SMIM31: variants seen among roughly 807,000 people sequenced by gnomAD.
The protein encoded by SMIM31 is human epithelial cell program regulator.
intron 2 of SMIM31, among the ~76,000 whole-genome samples, chr4:164,788,472 A>ATTTTTCTTTTTTT (rs1733055788): frequency 1.7e-5 from 1 of 60,506 alleles, no homozygotes; most frequent in South Asian, 4.7e-4. Flanking sequence ...CTTTCTTCTA[A>ATTTTTCTTTTTTT]TTTTTCTTTT....
intron 2 of SMIM31, among the ~76,000 whole-genome samples, chr4:164,788,439 G>A (rs1387832295): frequency 2.8e-5 from 4 of 143,886 alleles, no homozygotes; most frequent in South Asian, 2.2e-4. Context: ...ACTACTCGTG[G>A]CCAATCCGAA....
chr4:164,761,043 A>C (rs1732642796), intron 1 of SMIM31, among the ~76,000 whole-genome samples: 2 of 152,212 alleles, frequency 1.3e-5, no homozygotes, highest in African/African-American at 4.8e-5. Context: ...CTCAAAGCCA[A>C]TTGCCCATCT....
At chr4:164,755,054 T>A (rs1183385340) in intron 1 of SMIM31, among the ~76,000 whole-genome samples, 1 of 145,160 alleles carries the variant, frequency 6.9e-6, no homozygotes, top group African/African-American at 2.6e-5. Context: ...TTTAACTACA[T>A]CCCTTAAAAA....
intron 2 of SMIM31, among the ~76,000 whole-genome samples, chr4:164,789,938 GACTGGA>G (rs1733078279): frequency 1.3e-5 from 2 of 152,142 alleles, no homozygotes; most frequent in South Asian, 4.1e-4. Context: ...TGTAACAAAG[GACTGGA>G]AATCTAGTTA....
intron 2 of SMIM31, among the ~76,000 whole-genome samples, chr4:164,772,729 C>A (rs1025443653): frequency 8.6e-5 from 13 of 151,682 alleles, no homozygotes; most frequent in Non-Finnish European, 1.8e-4. Flanking sequence ...CAGGCGCCCG[C>A]CACCACGCCC....
intron 2 of SMIM31, among the ~76,000 whole-genome samples, chr4:164,777,732 T>A (rs1157599941): frequency 6.6e-6 from 1 of 152,214 alleles, no homozygotes. Flanking sequence ...CCAGAATAGC[T>A]GTAACTGCCA....
Position 164,777,494 on chromosome 4 carries a change from C to T in SMIM31, c.112+6939C>T, listed in dbSNP as rs370971457. Among the ~76,000 whole-genome samples, 250 of 152,286 alleles carry T rather than the reference C, an allele frequency of 1.6e-3. 8 individuals carry two copies. In the South Asian group the frequency reaches 0.048, roughly 30 times the overall value. ...TCTCTAGAGGTAGCACATAGTGACG[C>T]GGCAGTAGCTGCTCTTTCCTGCCTG... On this transcript the variant is annotated intron_variant, in intron 2 of 2. Transcript: ENST00000507311.
rs1344976358 is a variant in SMIM31 at position 164,801,932 on chromosome 4, T to C, written c.*738T>C. On this transcript the variant is annotated 3_prime_UTR_variant, in exon 3 of 3. Coordinates refer to ENST00000507311, the MANE Select transcript of SMIM31 (RefSeq NM_001352885.1). ...AAGTTTTCTGTTATTTATATTTTTT[T>C]TTTTTTAATTTGAGAGAGAGGCTGG... is the stretch of plus-strand genomic sequence containing the variant. 2 of 152,184 alleles carry C rather than the reference T, an allele frequency of 1.3e-5. No homozygotes were observed. Among genetic ancestry groups the C allele is most frequent in the African/African-American group, 4.8e-5 (2 of 41,558 alleles). The allele number at this position is 152,184 out of a possible 1,614,324, so 9.4% of individuals were successfully genotyped here. A position where few individuals can be genotyped will look rare whatever the true frequency, so the allele number is the denominator to read the frequency against.
intron 1 of SMIM31, among the ~76,000 whole-genome samples, chr4:164,758,823 T>A (rs1325898402): frequency 1.6e-4 from 18 of 112,744 alleles, no homozygotes; most frequent in African/African-American, 7.2e-4. Context: ...TTTTTTTTTT[T>A]TTTTTTTTTT....
intron 2 of SMIM31, among the ~76,000 whole-genome samples, chr4:164,789,791 G>A (rs1035288232): frequency 8.5e-5 from 13 of 152,148 alleles, no homozygotes; most frequent in African/African-American, 2.9e-4. Context: ...AATAAGTTCT[G>A]TTTCATTCTT....
chr4:164,788,472 A>ATTTTTATTTTTTTTTTTTTTTTT (rs1187569698), intron 2 of SMIM31, among the ~76,000 whole-genome samples: 1 of 60,506 alleles, frequency 1.7e-5, no homozygotes, highest in African/African-American at 6.5e-5. Flanking sequence ...CTTTCTTCTA[A>ATTTTTATTTTTTTTTTTTTTTTT]TTTTTCTTTT....
chr4:164,772,574 A>T (rs1232718693), intron 2 of SMIM31, among the ~76,000 whole-genome samples: 3 of 81,694 alleles, frequency 3.7e-5, no homozygotes, highest in Non-Finnish European at 7.9e-5. Flanking sequence ...TATTTTTTTT[A>T]TTTTTATTTT....
intron 2 of SMIM31, among the ~76,000 whole-genome samples, chr4:164,771,412 C>T (rs4407454): frequency 0.49 from 74,221 of 151,964 alleles, 18,859 homozygotes; most frequent in Admixed American, 0.57. Flanking sequence ...ACAGGAAGCC[C>T]GGAGGTAGTG....
intron 2 of SMIM31, among the ~76,000 whole-genome samples, chr4:164,790,757 G>A (rs1733089132): frequency 6.6e-6 from 1 of 152,070 alleles, no homozygotes. Context: ...TGTTGATCTA[G>A]TTTCACCTCT....
chr4:164,761,067 T>C (rs1490275281), intron 1 of SMIM31, among the ~76,000 whole-genome samples: 10 of 152,246 alleles, frequency 6.6e-5, no homozygotes, highest in African/African-American at 1.9e-4. Flanking sequence ...ATAAATATTT[T>C]ATTGCCATTC....
At chr4:164,762,169 G>T (rs1251358698) in intron 1 of SMIM31, among the ~76,000 whole-genome samples, 2 of 152,124 alleles carry the variant, frequency 1.3e-5, no homozygotes, top group Non-Finnish European at 2.9e-5. Flanking sequence ...GAACTTTGGG[G>T]TGTGAAGCTT....
intron 2 of SMIM31, among the ~76,000 whole-genome samples, chr4:164,774,657 A>G (rs1732857180): frequency 6.6e-6 from 1 of 152,204 alleles, no homozygotes; most frequent in African/African-American, 2.4e-5. Context: ...ACCCACCCAC[A>G]TCAACATCTC....
intron 2 of SMIM31, among the ~76,000 whole-genome samples, 190 bp downstream of exon 2, chr4:164,770,745 AT>A (rs1333121876): frequency 3.3e-5 from 5 of 152,148 alleles, no homozygotes; most frequent in African/African-American, 1.2e-4. Context: ...AAGGATTACA[AT>A]TTTTTAATGA....
intron 2 of SMIM31, among the ~76,000 whole-genome samples, chr4:164,771,922 T>C (rs1732808176): frequency 6.6e-6 from 1 of 152,198 alleles, no homozygotes; most frequent in Non-Finnish European, 1.5e-5. Context: ...TAGTGGAAAT[T>C]AGAATGAAGC....
Sources: gnomAD v4.1 joint callset for allele counts (sites outside exome capture counted in the v4.1 genomes callset) on GRCh38, gnomAD v4.1.1 for gene constraint, MANE v1.5 for transcripts, NCBI Gene and HGNC (gene_info 2026-07-23, HGNC 2026-07-21) for gene names.